The following COL11A1 variants were observed in gnomAD, a reference collection of about 807,000 sequenced individuals.
COL11A1 encodes collagen type XI alpha 1 chain, also known as collagen alpha-1(XI) chain.
A neutral mutation model predicts 265.2 loss-of-function variants in COL11A1; 74 were observed. That is an observed-to-expected ratio of 0.28 (90% CI 0.23 to 0.34). The LOEUF (loss-of-function observed/expected upper bound fraction) is 0.34, where lower values mean the gene tolerates loss of function less well. Ranked by LOEUF, COL11A1 falls within the 10% of genes least tolerant of loss-of-function variation. The pLI, the probability that COL11A1 is intolerant of heterozygous loss-of-function variation, is 1.00. For missense variants in COL11A1, 2,165 were observed against 2,263.6 expected, an observed-to-expected ratio of 0.96 and a Z score of 0.88; for synonymous variants, 816 against 727.6, an observed-to-expected ratio of 1.12 and a Z score of -1.96.
intron 44 of COL11A1, among the ~76,000 whole-genome samples, chr1:102,935,678 A>G (rs561702626): frequency 6.6e-6 from 1 of 152,326 alleles, no homozygotes; most frequent in African/African-American, 2.4e-5. Context: ...ACATGCATAG[A>G]TATTTCTTCA....
At chr1:103,063,517 C>CA (rs1230423634) in intron 4 of COL11A1, among the ~76,000 whole-genome samples, 4 of 151,792 alleles carry the variant, frequency 2.6e-5, no homozygotes, top group Admixed American at 6.6e-5. Flanking sequence ...CAGCCACATG[C>CA]AAAAAAATAT....
chr1:103,044,713 T>C (rs1669107956), intron 4 of COL11A1, among the ~76,000 whole-genome samples: 1 of 152,102 alleles, frequency 6.6e-6, no homozygotes, highest in Non-Finnish European at 1.5e-5. Context: ...TGCTAGAAAA[T>C]ATATTTATTC....
intron 1 of COL11A1, among the ~76,000 whole-genome samples, chr1:103,099,072 G>A (rs1245008461): frequency 6.6e-6 from 1 of 151,738 alleles, no homozygotes; most frequent in Admixed American, 6.6e-5. Flanking sequence ...ATTCAGCAAA[G>A]TTTTACCAAA....
At chr1:102,960,715 T>C (rs959978770) in intron 41 of COL11A1, among the ~76,000 whole-genome samples, 1 of 151,354 alleles carries the variant, frequency 6.6e-6, no homozygotes, top group Admixed American at 6.6e-5. Flanking sequence ...ATGCATTAAG[T>C]TGGGTAGAAT....
At chr1:102,884,607 C>T (rs1374809214) in intron 63 of COL11A1, 1 of 152,256 alleles carries the variant, frequency 6.6e-6, no homozygotes, top group Non-Finnish European at 1.5e-5. Flanking sequence ...AAACTGACGC[C>T]TCAAGTGAGC....
At chr1:102,905,970 G>A (rs1018025811) in intron 54 of COL11A1, among the ~76,000 whole-genome samples, 2 of 151,970 alleles carry the variant, frequency 1.3e-5, no homozygotes, top group African/African-American at 4.8e-5. Context: ...ATCATTTCAT[G>A]TATACAACTA....
At chr1:102,961,321 A>T (rs1660885256) in intron 41 of COL11A1, among the ~76,000 whole-genome samples, 1 of 152,188 alleles carries the variant, frequency 6.6e-6, no homozygotes, top group Admixed American at 6.5e-5. Flanking sequence ...TAATGTTTTG[A>T]TTAAATAAAG....
At chr1:102,879,596 T>G in intron 66 of COL11A1, 87 bp downstream of exon 66, 193 of 1,150,586 alleles carry the variant, frequency 1.7e-4, no homozygotes, top group Non-Finnish European at 2.2e-4. Context: ...GTCCATTTCA[T>G]GAGAAAAATC....
intron 30 of COL11A1, among the ~76,000 whole-genome samples, chr1:102,985,408 T>C (rs1456384354): frequency 6.6e-6 from 1 of 152,122 alleles, no homozygotes; most frequent in African/African-American, 2.4e-5. Context: ...AGTCTTCAGA[T>C]GGAAAATATC....
chr1:102,997,138 A>C lies in COL11A1; in HGVS notation c.2197-14T>G, dbSNP rs897116785. On this transcript the variant is annotated splice_polypyrimidine_tract_variant and intron_variant, in intron 25 of 66. Transcript: ENST00000370096. ...CCCAGGATGACCCTATATTTAGCAA[A>C]AACATACACTGATAAGATGTAATAT... 8.1e-6 allele frequency: 13 copies of C among 1,604,288 alleles called. No homozygotes were observed. In the East Asian group the frequency reaches 2.9e-4, roughly 36 times the overall value.
chr1:103,042,879 A>G (rs1176042646), intron 4 of COL11A1, among the ~76,000 whole-genome samples: 1 of 151,108 alleles, frequency 6.6e-6, no homozygotes, highest in Non-Finnish European at 1.5e-5. Flanking sequence ...TTGGGGAAAC[A>G]CCATCTACTT....
intron 54 of COL11A1, among the ~76,000 whole-genome samples, chr1:102,909,752 T>C (rs1338774713): frequency 1.3e-5 from 2 of 152,084 alleles, no homozygotes; most frequent in Non-Finnish European, 2.9e-5. Context: ...ATATATAATC[T>C]AAATCTGAAT....
chr1:102,989,041 T>C (rs1663856398), intron 29 of COL11A1, among the ~76,000 whole-genome samples: 1 of 152,190 alleles, frequency 6.6e-6, no homozygotes, highest in Non-Finnish European at 1.5e-5. Context: ...TTGTTTTCTA[T>C]AATGTATTAC....
At chr1:103,097,144 T>C (rs1048848136) in intron 1 of COL11A1, among the ~76,000 whole-genome samples, 3 of 152,024 alleles carry the variant, frequency 2.0e-5, no homozygotes, top group Admixed American at 6.6e-5. Flanking sequence ...AACCTAGTTA[T>C]GTGTTGATAT....
At chr1:102,989,125 G>A (rs1026621943) in intron 29 of COL11A1, among the ~76,000 whole-genome samples, 2 of 151,894 alleles carry the variant, frequency 1.3e-5, no homozygotes, top group East Asian at 1.9e-4. Context: ...AGTTACAGAC[G>A]TATACTTTCC....
At chr1:102,959,283 A>C (rs901500054) in intron 41 of COL11A1, among the ~76,000 whole-genome samples, 2 of 152,206 alleles carry the variant, frequency 1.3e-5, no homozygotes, top group Admixed American at 1.3e-4. Flanking sequence ...TATTATGTAA[A>C]ATAGCAGAGT....
At chr1:103,056,617 GTTC>G (rs1304322683) in intron 4 of COL11A1, among the ~76,000 whole-genome samples, 3 of 152,158 alleles carry the variant, frequency 2.0e-5, no homozygotes, top group South Asian at 2.1e-4. Context: ...AGAACATTCT[GTTC>G]TTCTTAAAAA....
intron 28 of COL11A1, among the ~76,000 whole-genome samples, chr1:102,995,606 T>TAAA (rs202223220): frequency 1.4e-5 from 2 of 143,278 alleles, no homozygotes; most frequent in African/African-American, 2.5e-5. Flanking sequence ...TAAGCACATG[T>TAAA]AAAAAAAAAA....
At chr1:102,976,918 C>A (rs1055623105) in intron 35 of COL11A1, among the ~76,000 whole-genome samples, 5 of 151,932 alleles carry the variant, frequency 3.3e-5, no homozygotes, top group African/African-American at 1.2e-4. Flanking sequence ...CTTTAATAAC[C>A]AGCATCCATG....
Sources: allele counts gnomAD v4.1 joint callset (sites outside exome capture counted in the v4.1 genomes callset), GRCh38; gene constraint gnomAD v4.1.1; transcripts MANE v1.5; gene names NCBI Gene and HGNC (gene_info 2026-07-23, HGNC 2026-07-21).